NTF3: variants seen among roughly 807,000 people sequenced by gnomAD.
The protein encoded by NTF3 is neurotrophin-3.
NTF3 carries 8 observed loss-of-function variants against 26.3 expected under a neutral mutation model. The observed-to-expected ratio is 0.30, with a 90% CI of 0.18 to 0.55. The LOEUF (loss-of-function observed/expected upper bound fraction) is 0.55. Among genes scored for constraint, NTF3 ranks in the 20% least tolerant of loss-of-function variants. The pLI, the probability that NTF3 is intolerant of heterozygous loss-of-function variation, is 0.93. For missense variants in NTF3, 276 were observed against 352.9 expected, an observed-to-expected ratio of 0.78 and a Z score of 1.75; for synonymous variants, 154 against 145.5, an observed-to-expected ratio of 1.06 and a Z score of -0.42.
At chr12:5,447,727 C>T (rs1231318629) in intron 1 of NTF3, among the ~76,000 whole-genome samples, 2 of 152,168 alleles carry the variant, frequency 1.3e-5, no homozygotes, top group Non-Finnish European at 2.9e-5. Flanking sequence ...GCACATTGCT[C>T]TGTTGGGAAG....
intron 1 of NTF3, among the ~76,000 whole-genome samples, chr12:5,440,934 A>G (rs957449512): frequency 6.6e-6 from 1 of 152,260 alleles, no homozygotes; most frequent in Non-Finnish European, 1.5e-5. Context: ...GTGATGCCAG[A>G]TAAGTCATTG....
chr12:5,467,262 A>AAAAAAAAAC (rs1940603809), intron 1 of NTF3, among the ~76,000 whole-genome samples: 1 of 132,810 alleles, frequency 7.5e-6, no homozygotes, highest in Non-Finnish European at 1.6e-5. Flanking sequence ...AAAAAAAAAA[A>AAAAAAAAAC]AGTCGGGGGC....
At chr12:5,481,713 C>A (rs921874831) in intron 1 of NTF3, among the ~76,000 whole-genome samples, 3 of 129,836 alleles carry the variant, frequency 2.3e-5, no homozygotes, top group Non-Finnish European at 5.0e-5. Context: ...TAACACCACA[C>A]GCACACACCA....
At chr12:5,453,766 A>T (rs986624681) in intron 1 of NTF3, among the ~76,000 whole-genome samples, 1 of 152,210 alleles carries the variant, frequency 6.6e-6, no homozygotes. Flanking sequence ...CTGGCCCAGC[A>T]GACCAGGAAT....
chr12:5,480,006 T>C (rs530413630), intron 1 of NTF3, among the ~76,000 whole-genome samples: 8 of 152,298 alleles, frequency 5.3e-5, no homozygotes, highest in African/African-American at 1.4e-4. Flanking sequence ...AGGACTCCTG[T>C]GGTCTCAAGG....
At chr12:5,437,861 G>C (rs530620154) in intron 1 of NTF3, among the ~76,000 whole-genome samples, 2 of 152,340 alleles carry the variant, frequency 1.3e-5, no homozygotes, top group African/African-American at 4.8e-5. Context: ...TGTGGAGTAA[G>C]AGGAGAGCAC....
intron 1 of NTF3, among the ~76,000 whole-genome samples, chr12:5,450,373 T>C (rs192652190): frequency 6.6e-6 from 1 of 152,322 alleles, no homozygotes; most frequent in East Asian, 1.9e-4. Context: ...ATAGAAATGT[T>C]TGGGGATTTC....
At chr12:5,467,803 G>A (rs1940611786) in intron 1 of NTF3, among the ~76,000 whole-genome samples, 2 of 152,080 alleles carry the variant, frequency 1.3e-5, no homozygotes, top group African/African-American at 2.4e-5. Flanking sequence ...ACATACATGG[G>A]GCAGCCCTCC....
chr12:5,494,065 C>G lies in NTF3; in HGVS notation c.19-129C>G, dbSNP rs1006771498. 1.3e-6 allele frequency: 1 copy of G among 788,918 alleles called. No individual in the cohort carries two copies. Among genetic ancestry groups the G allele is most frequent in the South Asian group, 1.8e-5 (1 of 55,800 alleles). 48.9% of individuals were successfully genotyped at this position (788,918 alleles called of 1,614,324 possible). On this transcript the variant is annotated intron_variant, in intron 1 of 1. Coordinates refer to ENST00000423158, the MANE Select transcript of NTF3 (RefSeq NM_001102654.2). The surrounding 1 kb of genome is among the most constrained non-coding windows in gnomAD (Gnocchi z 8.3). Reference sequence around the variant, plus strand: ...TTCAGAATGTCCAGAGGGGAGTTGCCTTGCTTACCTGGGGGGCGGTACCCT... The same window carrying G: ...TTCAGAATGTCCAGAGGGGAGTTGCGTTGCTTACCTGGGGGGCGGTACCCT...
chr12:5,490,650 A>G (rs974472554), intron 1 of NTF3, among the ~76,000 whole-genome samples: 3 of 152,224 alleles, frequency 2.0e-5, no homozygotes, highest in Non-Finnish European at 4.4e-5. Flanking sequence ...ATCAGAATGC[A>G]TCTATTCTTG....
chr12:5,439,961 A>T (rs1279201681), intron 1 of NTF3, among the ~76,000 whole-genome samples: 1 of 152,148 alleles, frequency 6.6e-6, no homozygotes, highest in African/African-American at 2.4e-5. Context: ...GCTGTGTTTG[A>T]TGCAGAGCAG....
chr12:5,468,332 C>T (rs1404952948), intron 1 of NTF3, among the ~76,000 whole-genome samples: 1 of 152,180 alleles, frequency 6.6e-6, no homozygotes, highest in African/African-American at 2.4e-5. Context: ...TAATGCATAT[C>T]ACCTAAACTG....
At chr12:5,442,327 G>A (rs1399845447) in intron 1 of NTF3, among the ~76,000 whole-genome samples, 1 of 152,180 alleles carries the variant, frequency 6.6e-6, no homozygotes, top group Admixed American at 6.5e-5. Context: ...GAATTCCCAG[G>A]GCTAGGGTGA....
chr12:5,444,762 C>A (rs1213007026), intron 1 of NTF3, among the ~76,000 whole-genome samples: 1 of 152,062 alleles, frequency 6.6e-6, no homozygotes, highest in Non-Finnish European at 1.5e-5. Context: ...TGCAGTGTGG[C>A]TCTGAATAAA....
rs77322802 is a variant in NTF3 at position 5,470,473 on chromosome 12, A to G, written c.19-23721A>G. Among the ~76,000 whole-genome samples the G allele has an allele frequency of 8.7e-3, 1,324 of 152,296 alleles. 20 individuals carry two copies. Among genetic ancestry groups the G allele is most frequent in the African/African-American group, 0.029 (1,215 of 41,572 alleles). On this transcript the variant is annotated intron_variant, in intron 1 of 1. Transcript: ENST00000423158. Reference sequence around the variant, plus strand: ...ATCCTGTGTCGCAGTCTAAATGCTGAGGCAGAAGGGGACATCCGTGTTCCT... The same window carrying G: ...ATCCTGTGTCGCAGTCTAAATGCTGGGGCAGAAGGGGACATCCGTGTTCCT...
At chr12:5,491,699 T>C (rs575076871) in intron 1 of NTF3, among the ~76,000 whole-genome samples, 1 of 149,084 alleles carries the variant, frequency 6.7e-6, no homozygotes, top group East Asian at 2.0e-4. Flanking sequence ...CTCACTTTCC[T>C]GTGGGTCTCT....
At chr12:5,434,577 T>C (rs990711664) in intron 1 of NTF3, among the ~76,000 whole-genome samples, 4 of 150,836 alleles carry the variant, frequency 2.7e-5, no homozygotes, top group Non-Finnish European at 4.4e-5. Flanking sequence ...TTCTGGGGAG[T>C]CTGTCGGATG....
At chr12:5,442,531 T>C (rs1940252541) in intron 1 of NTF3, among the ~76,000 whole-genome samples, 1 of 152,164 alleles carries the variant, frequency 6.6e-6, no homozygotes, top group African/African-American at 2.4e-5. Flanking sequence ...GTGCTTCTAC[T>C]TCCTTTCTAA....
intron 1 of NTF3, among the ~76,000 whole-genome samples, chr12:5,447,261 C>T (rs532015878): frequency 1.3e-5 from 2 of 152,110 alleles, no homozygotes; most frequent in African/African-American, 4.8e-5. Context: ...GGACACTGGG[C>T]AATTTATTGT....
Sources: gnomAD v4.1 joint callset for allele counts (sites outside exome capture counted in the v4.1 genomes callset) on GRCh38, gnomAD v4.1.1 for gene constraint, Gnocchi (gnomAD v3.1) non-coding constraint, MANE v1.5 for transcripts, NCBI Gene and HGNC (gene_info 2026-07-23, HGNC 2026-07-21) for gene names.